RTN4IP1: variants seen among roughly 807,000 people sequenced by gnomAD.
RTN4IP1 encodes the protein NAD(P)H oxidoreductase RTN4IP1, mitochondrial.
A neutral mutation model predicts 46.6 loss-of-function variants in RTN4IP1; 32 were observed. The ratio of observed to expected loss-of-function variants is 0.69; its 90% CI spans 0.52 to 0.92. The LOEUF is 0.92. Among genes scored for constraint, RTN4IP1 ranks in the 40% least tolerant of loss-of-function variants. RTN4IP1 has a pLI of 0.00. For synonymous variants in RTN4IP1, 167 were observed against 161.8 expected, an observed-to-expected ratio of 1.03 and a Z score of -0.24; for missense variants, 424 against 485.8, an observed-to-expected ratio of 0.87 and a Z score of 1.20.
chr6:106,578,507 G>C (rs1775281198), intron 8 of RTN4IP1, among the ~76,000 whole-genome samples: 1 of 152,204 alleles, frequency 6.6e-6, no homozygotes, highest in African/African-American at 2.4e-5. Context: ...ATGAAAACAG[G>C]AACTGTTTTT....
chr6:106,623,674 T>C (rs1776554141), intron 1 of RTN4IP1, among the ~76,000 whole-genome samples: 1 of 152,260 alleles, frequency 6.6e-6, no homozygotes, highest in African/African-American at 2.4e-5. Context: ...CAAAATATTT[T>C]TGAAATTCAA....
At chr6:106,583,045 G>A (rs1411436638) in intron 8 of RTN4IP1, among the ~76,000 whole-genome samples, 1 of 152,116 alleles carries the variant, frequency 6.6e-6, no homozygotes, top group Non-Finnish European at 1.5e-5. Flanking sequence ...AGTGTCTTTG[G>A]GGGAATCCTA....
rs577262269 is a variant in RTN4IP1, at chr6:106,576,040, A to G, written c.1084-3937T>C. ...CAGGCACCAGGACCGCAGTTCCAGC[A>G]CTACCTCCTGGACAGGTATGCCCCT... On this transcript the variant is annotated intron_variant, in intron 8 of 8. Coordinates refer to ENST00000369063, the MANE Select transcript of RTN4IP1 (RefSeq NM_032730.5). 7.6e-4 allele frequency among the ~76,000 whole-genome samples: 116 copies of G among 152,326 alleles called. 1 individual carries two copies. The highest frequency in any genetic ancestry group is 4.3e-3 in the Admixed American group (66 of 15,300).
At chr6:106,625,948 G>A (rs1776625986) in intron 1 of RTN4IP1, among the ~76,000 whole-genome samples, 1 of 152,030 alleles carries the variant, frequency 6.6e-6, no homozygotes, top group African/African-American at 2.4e-5. Flanking sequence ...GAGCCACTGT[G>A]CCCAGCCTTT....
At position 106,578,308 on chromosome 6, in the gene RTN4IP1, T is replaced by G. The variant is rs184100837; in HGVS notation, c.1083+5020A>C. 1.2e-4 allele frequency among the ~76,000 whole-genome samples: 19 copies of G among 152,344 alleles called. No homozygotes were observed. In the East Asian group the frequency reaches 3.5e-3, roughly 28 times the overall value. Reference sequence around the variant, plus strand: ...ACCTTGAACACATCATTTAATTTCTTAGGGCCTCTGTCCCTTCAAATGTGA... The same window carrying G: ...ACCTTGAACACATCATTTAATTTCTGAGGGCCTCTGTCCCTTCAAATGTGA... On this transcript the variant is annotated intron_variant, in intron 8 of 8. Transcript: ENST00000369063.
chr6:106,625,809 A>G (rs1291462064), intron 1 of RTN4IP1, among the ~76,000 whole-genome samples: 1 of 151,580 alleles, frequency 6.6e-6, no homozygotes, highest in South Asian at 2.1e-4. Flanking sequence ...GATTACAGGC[A>G]TGCGCCACCA....
chr6:106,578,251 A>G (rs1260938947), intron 8 of RTN4IP1, among the ~76,000 whole-genome samples: 1 of 152,218 alleles, frequency 6.6e-6, no homozygotes, highest in Non-Finnish European at 1.5e-5. Context: ...GAACTGTCGT[A>G]AGGGTCAAGA....
intron 7 of RTN4IP1, among the ~76,000 whole-genome samples, chr6:106,586,184 A>G (rs971540137): frequency 1.3e-5 from 2 of 152,210 alleles, no homozygotes; most frequent in African/African-American, 4.8e-5. Context: ...CCTAAGTTTC[A>G]TCCCCATAAA....
At chr6:106,628,101 G>T (rs943792409) in intron 1 of RTN4IP1, among the ~76,000 whole-genome samples, 4 of 150,910 alleles carry the variant, frequency 2.7e-5, no homozygotes, top group African/African-American at 7.3e-5. Flanking sequence ...ATTCTAAACT[G>T]ACTAGGAAAC....
chr6:106,592,749 C>T (rs955541005), intron 5 of RTN4IP1, among the ~76,000 whole-genome samples: 3 of 152,134 alleles, frequency 2.0e-5, no homozygotes, highest in Non-Finnish European at 2.9e-5. Flanking sequence ...CATGGTGAAA[C>T]CCCGTCTCTA....
At chr6:106,624,301 G>A (rs942310272) in intron 1 of RTN4IP1, among the ~76,000 whole-genome samples, 3 of 151,942 alleles carry the variant, frequency 2.0e-5, no homozygotes, top group African/African-American at 4.8e-5. Flanking sequence ...TGATCCGCCC[G>A]CCTCGGCCTC....
chr6:106,604,754 T>C (rs1336454972), intron 4 of RTN4IP1, among the ~76,000 whole-genome samples: 1 of 152,146 alleles, frequency 6.6e-6, no homozygotes, highest in Non-Finnish European at 1.5e-5. Flanking sequence ...TCCTCTAAAA[T>C]TGCCTACATA....
chr6:106,592,482 CAA>C (rs2114642240), intron 5 of RTN4IP1, among the ~76,000 whole-genome samples, 182 bp from the exon 6 acceptor site: 1 of 152,216 alleles, frequency 6.6e-6, no homozygotes, highest in African/African-American at 2.4e-5. Context: ...TAAAAATGGT[CAA>C]ACTTTTGTTC....
chr6:106,617,425 G>A (rs914211893), intron 4 of RTN4IP1, among the ~76,000 whole-genome samples: 8 of 152,108 alleles, frequency 5.3e-5, no homozygotes, highest in African/African-American at 1.9e-4. Context: ...CACCTAATAA[G>A]GTCTAAAACT....
intron 4 of RTN4IP1, among the ~76,000 whole-genome samples, chr6:106,617,697 TA>T (rs1776388519): frequency 6.6e-6 from 1 of 152,212 alleles, no homozygotes; most frequent in South Asian, 2.1e-4. Flanking sequence ...TCTTTGTCTC[TA>T]AATTTTTAAA....
chr6:106,581,652 G>A (rs1775373912), intron 8 of RTN4IP1, among the ~76,000 whole-genome samples: 1 of 152,190 alleles, frequency 6.6e-6, no homozygotes, highest in Non-Finnish European at 1.5e-5. Flanking sequence ...AACCTCCTTG[G>A]AGAATACTTC....
rs542406363 is a variant in RTN4IP1 at position 106,620,299 on chromosome 6, T to C, written c.496-973A>G. Among the ~76,000 whole-genome samples, 218 of 152,122 alleles carry C rather than the reference T, an allele frequency of 1.4e-3. 1 individual carries two copies. Among genetic ancestry groups the C allele is most frequent in the African/African-American group, 5.1e-3 (212 of 41,498 alleles). On this transcript the variant is annotated intron_variant, in intron 3 of 8. Transcript: ENST00000369063. Reference sequence around the variant, plus strand: ...TTTGTATTTTTAGCAGAGACAGGGTTTTACCATATTGGCCAGGCTGGTCTC... The same window carrying C: ...TTTGTATTTTTAGCAGAGACAGGGTCTTACCATATTGGCCAGGCTGGTCTC...
intron 1 of RTN4IP1, among the ~76,000 whole-genome samples, chr6:106,628,275 G>T (rs1776705624): frequency 6.6e-6 from 1 of 151,790 alleles, no homozygotes; most frequent in South Asian, 2.1e-4. Flanking sequence ...AGACCAGCCT[G>T]ACCAACATAG....
At chr6:106,619,607 T>A (rs958945142) in intron 3 of RTN4IP1, among the ~76,000 whole-genome samples, 3 of 70,306 alleles carry the variant, frequency 4.3e-5, no homozygotes, top group African/African-American at 1.7e-4. Flanking sequence ...CTTTTCTTCA[T>A]TTTTTTTTTT....
Sources: gnomAD v4.1 joint callset for allele counts (sites outside exome capture counted in the v4.1 genomes callset) on GRCh38, gnomAD v4.1.1 for gene constraint, MANE v1.5 for transcripts, NCBI Gene and HGNC (gene_info 2026-07-23, HGNC 2026-07-21) for gene names.